Variants in MYRIP observed in about 807,000 individuals in gnomAD.
MYRIP encodes the protein rab effector MyRIP.
Under a neutral mutation model 98.0 loss-of-function variants are expected in MYRIP, and 49 were observed. The ratio of observed to expected loss-of-function variants is 0.50; its 90% CI spans 0.40 to 0.63. The LOEUF (loss-of-function observed/expected upper bound fraction) is 0.63. Ranked by LOEUF, MYRIP falls within the 30% of genes least tolerant of loss-of-function variation. The pLI is 0.00. For missense variants in MYRIP, 1,004 were observed against 1,058.2 expected (o/e 0.95, Z 0.71); for synonymous variants, 404 against 409.5 (o/e 0.99, Z 0.16).
intron 11 of MYRIP, among the ~76,000 whole-genome samples, chr3:40,221,647 G>A (rs1159529264): frequency 6.6e-6 from 1 of 152,130 alleles, no homozygotes; most frequent in Non-Finnish European, 1.5e-5. Context: ...CGAAAAGAAT[G>A]ACATTTAGTG....
intron 1 of MYRIP, among the ~76,000 whole-genome samples, chr3:39,855,207 T>G (rs1014142370): frequency 1.3e-5 from 2 of 152,210 alleles, no homozygotes; most frequent in African/African-American, 4.8e-5. Flanking sequence ...AGGTATTGTC[T>G]TCTTCCTGGG....
chr3:40,188,704 G>A (rs1559441951), intron 9 of MYRIP, among the ~76,000 whole-genome samples: 1 of 152,130 alleles, frequency 6.6e-6, no homozygotes, highest in East Asian at 1.9e-4. Flanking sequence ...TTGAACCTGG[G>A]AGGTGAAGGT....
chr3:40,083,428 T>C (rs538590214), intron 3 of MYRIP, among the ~76,000 whole-genome samples: 41 of 152,296 alleles, frequency 2.7e-4, no homozygotes, highest in African/African-American at 9.6e-4. Flanking sequence ...TATTCTTCCT[T>C]CTTCCTTTTT....
intron 2 of MYRIP, among the ~76,000 whole-genome samples, chr3:39,904,013 G>T (rs571747489): frequency 1.0e-3 from 152 of 152,182 alleles, no homozygotes; most frequent in Middle Eastern, 3.4e-3. Flanking sequence ...GCTTAATTTT[G>T]TCATTATTTC....
Position 39,879,274 on chromosome 3 carries a change from A to T in MYRIP, c.-30-21513A>T, listed in dbSNP as rs188507519. Among the ~76,000 whole-genome samples, 123 of 152,050 alleles carry T rather than the reference A, an allele frequency of 8.1e-4. 2 individuals are homozygous for T. Among genetic ancestry groups the T allele is most frequent in the Non-Finnish European group, 3.1e-4 (21 of 67,958 alleles). ...TTATTTCATTTATATAATAGCTCTT[A>T]TAAATTACCTGTTGGTCTTATTTGT... On this transcript the variant is annotated intron_variant, in intron 1 of 16. Coordinates refer to ENST00000302541, the MANE Select transcript of MYRIP (RefSeq NM_015460.4).
intron 2 of MYRIP, among the ~76,000 whole-genome samples, chr3:39,993,178 G>A (rs1181555520): frequency 6.6e-6 from 1 of 152,154 alleles, no homozygotes; most frequent in East Asian, 1.9e-4. Context: ...AAGAAAGAGA[G>A]GCAAAAGGGA....
At chr3:40,216,785 A>G (rs904271329) in intron 11 of MYRIP, among the ~76,000 whole-genome samples, 2 of 152,214 alleles carry the variant, frequency 1.3e-5, no homozygotes, top group African/African-American at 2.4e-5. Context: ...TCAAAGCACC[A>G]GAATCCCTGG....
At chr3:39,860,589 T>G (rs1033305532) in intron 1 of MYRIP, among the ~76,000 whole-genome samples, 8 of 152,130 alleles carry the variant, frequency 5.3e-5, no homozygotes, top group Non-Finnish European at 1.0e-4. Context: ...CATCCTTAGA[T>G]GCCCAGCTAG....
chr3:40,211,091 G>A (rs1951915670), intron 11 of MYRIP, among the ~76,000 whole-genome samples: 1 of 152,126 alleles, frequency 6.6e-6, no homozygotes, highest in Admixed American at 6.5e-5. Context: ...CTGAACCTGA[G>A]TCATTGAGGT....
intron 2 of MYRIP, among the ~76,000 whole-genome samples, chr3:39,977,394 C>A (rs572478784): frequency 1.3e-5 from 2 of 152,238 alleles, no homozygotes; most frequent in African/African-American, 4.8e-5. Context: ...ATTCACATGC[C>A]CCCCAGTTGA....
intron 10 of MYRIP, among the ~76,000 whole-genome samples, chr3:40,197,440 C>T (rs1951426309): frequency 6.6e-6 from 1 of 152,172 alleles, no homozygotes; most frequent in Non-Finnish European, 1.5e-5. Flanking sequence ...CTCTTCTGTC[C>T]TCCTAAACCC....
At chr3:40,214,275 G>T (rs1452490579) in intron 11 of MYRIP, among the ~76,000 whole-genome samples, 1 of 152,204 alleles carries the variant, frequency 6.6e-6, no homozygotes, top group East Asian at 1.9e-4. Flanking sequence ...CTCACACAGA[G>T]GGGGAGCTCA....
chr3:40,255,216 A>C (rs1429024878), intron 16 of MYRIP, among the ~76,000 whole-genome samples: 1 of 152,230 alleles, frequency 6.6e-6, no homozygotes, highest in African/African-American at 2.4e-5. Context: ...GGTTACAAAT[A>C]AGAAAGTTAA....
rs1953713628 is a variant in MYRIP, at chr3:40,259,921, TCA to T, written c.*1756_*1757del. 1 of 152,662 alleles carries T rather than the reference TCA, an allele frequency of 6.6e-6. No homozygotes were observed. The highest frequency in any genetic ancestry group is 2.4e-5 in the African/African-American group (1 of 41,450). The allele number at this position is 152,662 out of a possible 1,614,324, so 9.5% of individuals were successfully genotyped here. A position where few individuals can be genotyped will look rare whatever the true frequency, so the allele number is the denominator to read the frequency against. On this transcript the variant is annotated 3_prime_UTR_variant, in exon 17 of 17. Coordinates refer to ENST00000302541, the MANE Select transcript of MYRIP (RefSeq NM_015460.4). ...TGTTGTGTTACAGTGTTAAAAATAT[TCA>T]GTTTTCTTTGACAAAAATGTGTACT...
intron 9 of MYRIP, among the ~76,000 whole-genome samples, chr3:40,184,377 G>A (rs1950973704): frequency 6.6e-6 from 1 of 152,086 alleles, no homozygotes; most frequent in South Asian, 2.1e-4. Context: ...AAAATACAGA[G>A]TCCATATGTA....
intron 9 of MYRIP, among the ~76,000 whole-genome samples, chr3:40,189,245 T>G (rs1466136309): frequency 6.6e-6 from 1 of 152,222 alleles, no homozygotes; most frequent in African/African-American, 2.4e-5. Flanking sequence ...AATACCAAAG[T>G]TTTTTGGCCT....
At chr3:40,044,378 A>G in intron 3 of MYRIP, 107 bp downstream of exon 3, 1 of 1,065,974 alleles carries the variant, frequency 9.4e-7, no homozygotes, top group Non-Finnish European at 1.4e-6. Flanking sequence ...ATCAACACAG[A>G]GTATTGACCA....
At chr3:39,925,328 T>C (rs1180184230) in intron 2 of MYRIP, among the ~76,000 whole-genome samples, 1 of 152,096 alleles carries the variant, frequency 6.6e-6, no homozygotes, top group Non-Finnish European at 1.5e-5. Flanking sequence ...TATTTCTTTT[T>C]TCATTATTTC....
intron 2 of MYRIP, among the ~76,000 whole-genome samples, chr3:39,978,018 A>AG (rs1231108377): frequency 6.6e-6 from 1 of 152,012 alleles, no homozygotes; most frequent in Non-Finnish European, 1.5e-5. Flanking sequence ...CAACAAAAAA[A>AG]AAGACTTTCC....
Sources: gnomAD v4.1 joint callset for allele counts (sites outside exome capture counted in the v4.1 genomes callset) on GRCh38, gnomAD v4.1.1 for gene constraint, MANE v1.5 for transcripts, NCBI Gene and HGNC (gene_info 2026-07-23, HGNC 2026-07-21) for gene names.